The following KAZN variants were observed in gnomAD, a reference collection of about 807,000 sequenced individuals.
The protein encoded by KAZN is kazrin.
A neutral mutation model predicts 87.4 loss-of-function variants in KAZN; 40 were observed. The observed-to-expected ratio is 0.46, with a 90% CI of 0.36 to 0.60. The LOEUF (loss-of-function observed/expected upper bound fraction) is 0.60. Ranked by LOEUF, KAZN falls within the 20% of genes least tolerant of loss-of-function variation. KAZN has a pLI of 0.00. For synonymous variants in KAZN, 466 were observed against 458.3 expected (o/e 1.02, Z -0.22); for missense variants, 898 against 1,073.9 (o/e 0.84, Z 2.29).
intron 3 of KAZN, among the ~76,000 whole-genome samples, chr1:15,041,032 C>T (rs535120418): frequency 1.3e-5 from 2 of 152,070 alleles, no homozygotes; most frequent in South Asian, 2.1e-4. Flanking sequence ...CTCACTGCAA[C>T]TTCTGCCTCC....
chr1:14,058,472 A>G (rs996115204), intron 1 of KAZN, among the ~76,000 whole-genome samples: 1 of 152,198 alleles, frequency 6.6e-6, no homozygotes, highest in African/African-American at 2.4e-5. Flanking sequence ...CCCTTAGATT[A>G]ATATCTCCAC....
At chr1:14,390,280 T>C (rs968892389) in intron 2 of KAZN, among the ~76,000 whole-genome samples, 1 of 152,222 alleles carries the variant, frequency 6.6e-6, no homozygotes, top group Non-Finnish European at 1.5e-5. Context: ...CTGGAGCTTA[T>C]AGTCTACTGG....
At chr1:14,255,777 C>G (rs1424328790) in intron 2 of KAZN, among the ~76,000 whole-genome samples, 1 of 152,142 alleles carries the variant, frequency 6.6e-6, no homozygotes, top group Admixed American at 6.5e-5. Context: ...ATCATTATGT[C>G]CATTTTATAG....
intron 1 of KAZN, among the ~76,000 whole-genome samples, chr1:14,149,516 G>A (rs897774197): frequency 6.6e-6 from 1 of 152,064 alleles, no homozygotes; most frequent in Non-Finnish European, 1.5e-5. Context: ...CGGGGCTCTT[G>A]CTTGAGCTCA....
intron 1 of KAZN, among the ~76,000 whole-genome samples, chr1:13,913,741 A>G (rs1234898206): frequency 1.3e-5 from 2 of 152,162 alleles, no homozygotes; most frequent in Admixed American, 6.5e-5. Context: ...GTGGTTTTCT[A>G]ACTTCAGTGT....
chr1:14,468,269 A>G (rs1171273342), intron 2 of KAZN, among the ~76,000 whole-genome samples: 2 of 152,234 alleles, frequency 1.3e-5, no homozygotes, highest in African/African-American at 4.8e-5. Context: ...AGCTCTTTTG[A>G]TACATGAAAC....
At chr1:14,848,951 G>A (rs1427323741) in intron 1 of KAZN, among the ~76,000 whole-genome samples, 1 of 152,188 alleles carries the variant, frequency 6.6e-6, no homozygotes, top group Non-Finnish European at 1.5e-5. Context: ...TGGCTAGAGG[G>A]GCCGGATGCT....
At chr1:14,143,882 T>C (rs1434140203) in intron 1 of KAZN, among the ~76,000 whole-genome samples, 3 of 152,084 alleles carry the variant, frequency 2.0e-5, no homozygotes, top group African/African-American at 7.2e-5. Context: ...CATGCCTGGC[T>C]ATTGTTTAAG....
At chr1:14,086,967 G>C (rs945259302) in intron 1 of KAZN, among the ~76,000 whole-genome samples, 1 of 152,084 alleles carries the variant, frequency 6.6e-6, no homozygotes. Context: ...TAATTGTAAG[G>C]CCTCCAACTT....
At chr1:13,901,267 G>A (rs1214261226) in intron 1 of KAZN, among the ~76,000 whole-genome samples, 2 of 152,198 alleles carry the variant, frequency 1.3e-5, no homozygotes, top group Non-Finnish European at 2.9e-5. Context: ...GCATGTCTTT[G>A]TTTGCATGTT....
chr1:13,999,253 C>A (rs942155911), intron 1 of KAZN, among the ~76,000 whole-genome samples: 1 of 152,092 alleles, frequency 6.6e-6, no homozygotes, highest in Non-Finnish European at 1.5e-5. Context: ...GAGGCTGAGA[C>A]AGTAGAATCG....
intron 2 of KAZN, among the ~76,000 whole-genome samples, chr1:14,294,920 G>T (rs1312657718): frequency 1.4e-5 from 2 of 147,008 alleles, no homozygotes; most frequent in Non-Finnish European, 3.0e-5. Flanking sequence ...TTTTTCAGCA[G>T]CTATGGACAC....
chr1:14,813,650 T>C (rs1178321573), intron 1 of KAZN, among the ~76,000 whole-genome samples: 2 of 152,210 alleles, frequency 1.3e-5, no homozygotes, highest in South Asian at 2.1e-4. Flanking sequence ...ATAGAAGATA[T>C]AGCCTTCCAC....
chr1:14,103,121 A>G (rs1644295961), intron 1 of KAZN, among the ~76,000 whole-genome samples: 1 of 151,944 alleles, frequency 6.6e-6, no homozygotes, highest in Non-Finnish European at 1.5e-5. Flanking sequence ...GGGTCTCACC[A>G]TGTTGGCCAG....
chr1:15,101,488 C>A, intron 10 of KAZN, 55 bp from the exon 11 acceptor site: 2 of 1,258,968 alleles, frequency 1.6e-6, no homozygotes, highest in South Asian at 1.3e-5. Flanking sequence ...GCCCGTCCGT[C>A]TGTTTCTGCC....
At chr1:14,384,353 T>G (rs972047405) in intron 2 of KAZN, among the ~76,000 whole-genome samples, 5 of 152,140 alleles carry the variant, frequency 3.3e-5, no homozygotes, top group African/African-American at 7.2e-5. Flanking sequence ...CAACACTATG[T>G]TGAATAGGAG....
At chr1:14,904,584 G>A (rs758956061) in intron 1 of KAZN, among the ~76,000 whole-genome samples, 4 of 152,162 alleles carry the variant, frequency 2.6e-5, no homozygotes, top group South Asian at 2.1e-4. Flanking sequence ...AGACAGGCCC[G>A]TGCGCCACAT....
At chr1:14,394,255 G>A (rs2101103448) in intron 2 of KAZN, among the ~76,000 whole-genome samples, 1 of 152,344 alleles carries the variant, frequency 6.6e-6, no homozygotes, top group East Asian at 1.9e-4. Flanking sequence ...GTGATCTTAT[G>A]TCAAGGGGAA....
At chr1:13,897,023 A>G (rs951456254) in intron 1 of KAZN, among the ~76,000 whole-genome samples, 1 of 152,204 alleles carries the variant, frequency 6.6e-6, no homozygotes, top group Non-Finnish European at 1.5e-5. Context: ...GTTCTTTCTC[A>G]TTTAGTCCCA....
Sources: allele counts gnomAD v4.1 joint callset (sites outside exome capture counted in the v4.1 genomes callset), GRCh38; gene constraint gnomAD v4.1.1; transcripts MANE v1.5; gene names NCBI Gene and HGNC (gene_info 2026-07-23, HGNC 2026-07-21).